The following WDR70 variants were observed in gnomAD, a reference collection of about 807,000 sequenced individuals.
WDR70 encodes the protein WD repeat-containing protein 70.
Under a neutral mutation model 88.6 loss-of-function variants are expected in WDR70, and 53 were observed. The observed-to-expected ratio is 0.60, with a 90% CI of 0.48 to 0.75. WDR70 has a LOEUF of 0.75. WDR70 is among the 30% of genes least tolerant of loss of function. WDR70 has a pLI of 0.00. For missense variants in WDR70, 610 were observed against 823.2 expected (o/e 0.74, Z 3.17); for synonymous variants, 280 against 270.0 (o/e 1.04, Z -0.36).
At chr5:37,477,696 A>G (rs1267523269) in intron 7 of WDR70, among the ~76,000 whole-genome samples, 1 of 152,200 alleles carries the variant, frequency 6.6e-6, no homozygotes, top group Non-Finnish European at 1.5e-5. Flanking sequence ...CTTGTGACAC[A>G]AAAAGCTTCA....
chr5:37,582,504 G>A (rs940880248), intron 9 of WDR70, among the ~76,000 whole-genome samples: 2 of 152,200 alleles, frequency 1.3e-5, no homozygotes, highest in African/African-American at 4.8e-5. Flanking sequence ...TCTTTTAGAT[G>A]TTAAAGTAGA....
At chr5:37,689,103 C>G (rs188588716) in intron 10 of WDR70, among the ~76,000 whole-genome samples, 1 of 152,200 alleles carries the variant, frequency 6.6e-6, no homozygotes, top group Admixed American at 6.5e-5. Flanking sequence ...AGTCTGAGAT[C>G]GAACTTCAAG....
chr5:37,752,152 C>T (rs973917610), intron 17 of WDR70, among the ~76,000 whole-genome samples: 7 of 152,122 alleles, frequency 4.6e-5, no homozygotes, highest in African/African-American at 7.2e-5. Flanking sequence ...TTCTTCCATA[C>T]GGTCCCAGTT....
At chr5:37,431,377 C>A (rs1313186479) in intron 5 of WDR70, among the ~76,000 whole-genome samples, 1 of 151,910 alleles carries the variant, frequency 6.6e-6, no homozygotes, top group African/African-American at 2.4e-5. Context: ...TATATAATTC[C>A]TCTTTTTTTT....
At chr5:37,562,161 C>T (rs1742525364) in intron 9 of WDR70, among the ~76,000 whole-genome samples, 1 of 152,146 alleles carries the variant, frequency 6.6e-6, no homozygotes, top group South Asian at 2.1e-4. Context: ...TGTTCGAGAC[C>T]AGCCTGGTCA....
intron 10 of WDR70, among the ~76,000 whole-genome samples, chr5:37,632,033 A>G (rs894506014): frequency 6.6e-6 from 1 of 152,182 alleles, no homozygotes; most frequent in African/African-American, 2.4e-5. Context: ...TTTAGACTCA[A>G]GTACAGTCAT....
At chr5:37,548,693 G>A (rs937914138) in intron 9 of WDR70, among the ~76,000 whole-genome samples, 1 of 151,974 alleles carries the variant, frequency 6.6e-6, no homozygotes, top group Non-Finnish European at 1.5e-5. Flanking sequence ...GTGCTTGTGG[G>A]GTATTACTCA....
Position 37,678,964 on chromosome 5 carries a change from C to T in WDR70, c.1093-18691C>T, listed in dbSNP as rs200950463. 1.4e-4 allele frequency among the ~76,000 whole-genome samples: 21 copies of T among 152,266 alleles called. 1 individual carries two copies. The highest frequency in any genetic ancestry group is 3.4e-3 in the Middle Eastern group (1 of 294). On this transcript the variant is annotated intron_variant, in intron 10 of 17. Transcript: ENST00000265107. ...TCTTTTTTCTCTAAACTTCCCTTCT[C>T]GCTTCATTTCATTCATTTCATCTTC... is the stretch of plus-strand genomic sequence containing the variant.
chr5:37,499,575 G>C (rs1333508786), intron 8 of WDR70, among the ~76,000 whole-genome samples: 1 of 89,264 alleles, frequency 1.1e-5, no homozygotes, highest in African/African-American at 4.5e-5. Context: ...TTAAATATGT[G>C]ATTTGGAAAT....
rs556127294 is a variant in WDR70, at chr5:37,621,992, T to G, written c.1092+16754T>G. ...ACCATTTATTAAATAGGGAATAGTT[T>G]CCCCATTTCTTGTTTTTGTCAGGTT... On this transcript the variant is annotated intron_variant, in intron 10 of 17. Transcript: ENST00000265107. Among the ~76,000 whole-genome samples, 224 of 152,300 alleles carry G rather than the reference T, an allele frequency of 1.5e-3. 3 individuals carry two copies. The highest frequency in any genetic ancestry group is 5.2e-3 in the African/African-American group (216 of 41,574).
At chr5:37,552,977 T>C (rs77350294) in intron 9 of WDR70, among the ~76,000 whole-genome samples, 188 of 152,330 alleles carry the variant, frequency 1.2e-3, no homozygotes, top group Non-Finnish European at 2.0e-3. Context: ...TTCCTGTAGG[T>C]ACTTTTCAGC....
intron 7 of WDR70, among the ~76,000 whole-genome samples, chr5:37,457,018 G>A (rs924365654): frequency 1.3e-5 from 2 of 152,218 alleles, no homozygotes; most frequent in African/African-American, 4.8e-5. Context: ...CAAAAGTGAA[G>A]AGAACATATA....
chr5:37,441,779 C>T (rs1334537956), intron 6 of WDR70, among the ~76,000 whole-genome samples: 1 of 152,148 alleles, frequency 6.6e-6, no homozygotes, highest in African/African-American at 2.4e-5. Flanking sequence ...GATTACACCA[C>T]TGCACTCCAG....
At chr5:37,565,747 A>C (rs916481241) in intron 9 of WDR70, among the ~76,000 whole-genome samples, 1 of 152,164 alleles carries the variant, frequency 6.6e-6, no homozygotes, top group South Asian at 2.1e-4. Context: ...TGTCATTTCT[A>C]TGTTTTGAAA....
intron 9 of WDR70, among the ~76,000 whole-genome samples, chr5:37,599,662 TG>T (rs1267364079): frequency 6.6e-6 from 1 of 151,902 alleles, no homozygotes; most frequent in Non-Finnish European, 1.5e-5. Flanking sequence ...AAGGCTGAGG[TG>T]GGTGGATCAC....
chr5:37,620,397 A>G lies in WDR70; in HGVS notation c.1092+15159A>G, dbSNP rs139822701. ...AAATCACTCCATTTTTCAGGTAGTA[A>G]CCCTGTTTTATTCTGAAAAACAGTT... On this transcript the variant is annotated intron_variant, in intron 10 of 17. Transcript: ENST00000265107. Among the ~76,000 whole-genome samples, 477 of 152,280 alleles carry G rather than the reference A, an allele frequency of 3.1e-3. 1 individual carries two copies. Among genetic ancestry groups the G allele is most frequent in the African/African-American group, 0.011 (448 of 41,570 alleles).
At chr5:37,428,122 T>C (rs77691329) in intron 5 of WDR70, among the ~76,000 whole-genome samples, 1 of 152,256 alleles carries the variant, frequency 6.6e-6, no homozygotes, top group Non-Finnish European at 1.5e-5. Flanking sequence ...TAGACATATG[T>C]CAGTCCTGAC....
chr5:37,428,149 G>A (rs930841006), intron 5 of WDR70, among the ~76,000 whole-genome samples: 6 of 151,486 alleles, frequency 4.0e-5, no homozygotes, highest in African/African-American at 1.5e-4. Context: ...TTGGGTTTTT[G>A]TTACAGCCAA....
At chr5:37,484,343 A>T (rs1157613343) in intron 8 of WDR70, among the ~76,000 whole-genome samples, 1 of 152,242 alleles carries the variant, frequency 6.6e-6, no homozygotes, top group Non-Finnish European at 1.5e-5. Flanking sequence ...ACTTGCGGTT[A>T]GGAGCTGGAG....
Sources: gnomAD v4.1 joint callset for allele counts (sites outside exome capture counted in the v4.1 genomes callset) on GRCh38, gnomAD v4.1.1 for gene constraint, MANE v1.5 for transcripts, NCBI Gene and HGNC (gene_info 2026-07-23, HGNC 2026-07-21) for gene names.